The following PCBP3 variants were observed in gnomAD, a reference collection of about 807,000 sequenced individuals.
PCBP3 encodes poly(rC)-binding protein 3.
PCBP3 carries 25 observed loss-of-function variants against 52.7 expected under a neutral mutation model. The observed-to-expected ratio is 0.47, with a 90% confidence interval of 0.35 to 0.66. The LOEUF is 0.66. PCBP3 is among the 30% of genes least tolerant of loss of function. PCBP3 has a pLI of 0.01. For missense variants in PCBP3, 391 were observed against 490.3 expected (o/e 0.80, Z 1.91); for synonymous variants, 162 against 183.0 (o/e 0.89, Z 0.93).
At chr21:45,763,513 C>G (rs1166903234) in intron 4 of PCBP3, 1 of 152,254 alleles carries the variant, frequency 6.6e-6, no homozygotes, top group Non-Finnish European at 1.5e-5. Flanking sequence ...GAGGAGCATC[C>G]TCAGGAGAAA....
At chr21:45,865,444 C>T (rs1364227782) in intron 5 of PCBP3, among the ~76,000 whole-genome samples, 1 of 152,236 alleles carries the variant, frequency 6.6e-6, no homozygotes, top group Non-Finnish European at 1.5e-5. Context: ...GAAGATATCG[C>T]TGTTCCTGCA....
intron 17 of PCBP3, among the ~76,000 whole-genome samples, chr21:45,941,130 G>A (rs2077424229): frequency 8.8e-6 from 1 of 113,448 alleles, no homozygotes; most frequent in African/African-American, 3.5e-5. Context: ...TCCAGAGCCA[G>A]GTTGGGCCTC....
chr21:45,846,655 A>C (rs777442238), intron 4 of PCBP3, among the ~76,000 whole-genome samples: 4 of 152,184 alleles, frequency 2.6e-5, no homozygotes, highest in Admixed American at 2.0e-4. Flanking sequence ...TAGTTTCTGC[A>C]TTATAAAGCC....
intron 2 of PCBP3, among the ~76,000 whole-genome samples, chr21:45,676,358 C>T (rs1386382278): frequency 7.2e-6 from 1 of 139,670 alleles, no homozygotes; most frequent in South Asian, 2.3e-4. Flanking sequence ...TTTTATTGCA[C>T]TTTACAGAAT....
At chr21:45,747,855 T>A (rs918601282) in intron 3 of PCBP3, among the ~76,000 whole-genome samples, 4 of 152,216 alleles carry the variant, frequency 2.6e-5, no homozygotes, top group African/African-American at 4.8e-5. Flanking sequence ...TCTCCTTGGC[T>A]AGGTAGCGTT....
At chr21:45,701,845 CCACCT>C (rs2083149249) in intron 2 of PCBP3, among the ~76,000 whole-genome samples, 1 of 152,302 alleles carries the variant, frequency 6.6e-6, no homozygotes, top group South Asian at 2.1e-4. Context: ...CAGGCATGAG[CCACCT>C]CACCCAGCCC....
intron 4 of PCBP3, among the ~76,000 whole-genome samples, chr21:45,848,641 G>A (rs1474498746): frequency 6.6e-6 from 1 of 152,130 alleles, no homozygotes; most frequent in Non-Finnish European, 1.5e-5. Flanking sequence ...TCTGTCCTGG[G>A]TTAAATTAAT....
At chr21:45,838,242 G>A (rs1394375153) in intron 4 of PCBP3, among the ~76,000 whole-genome samples, 6 of 152,190 alleles carry the variant, frequency 3.9e-5, no homozygotes, top group African/African-American at 7.2e-5. Context: ...TACTCAAACT[G>A]TTCTGTAGTT....
intron 13 of PCBP3, among the ~76,000 whole-genome samples, chr21:45,927,354 C>T (rs1422032685): frequency 9.5e-6 from 1 of 105,096 alleles, no homozygotes; most frequent in Non-Finnish European, 1.9e-5. Context: ...TCCCTCCCTC[C>T]CTCTCGCCTG....
At chr21:45,826,956 C>A (rs1056806106) in intron 4 of PCBP3, among the ~76,000 whole-genome samples, 6 of 152,122 alleles carry the variant, frequency 3.9e-5, no homozygotes, top group Admixed American at 3.3e-4. Context: ...TGTACCCACC[C>A]GTGTCAAGGT....
At position 45,880,082 on chromosome 21, in the gene PCBP3, G is replaced by C. The variant is rs1038809449; in HGVS notation, c.11-16126G>C. Among the ~76,000 whole-genome samples, 1 of 152,192 alleles carries C rather than the reference G, an allele frequency of 6.6e-6. No homozygotes were observed. Among genetic ancestry groups the C allele is most frequent in the Non-Finnish European group, 1.5e-5 (1 of 68,042 alleles). ...CTGCTGTCTGCGTTTGTTGTGTGGC[G>C]TGAGAGTCCATCCTGGTTTCGTGGC... On this transcript the variant is annotated intron_variant, in intron 5 of 17. Transcript: ENST00000681687. The surrounding 1 kb of genome is among the most constrained non-coding windows in gnomAD (Gnocchi z 5.4).
intron 5 of PCBP3, among the ~76,000 whole-genome samples, chr21:45,865,131 T>G (rs2094663327): frequency 6.6e-6 from 1 of 152,224 alleles, no homozygotes; most frequent in African/African-American, 2.4e-5. Flanking sequence ...TATAAATGCT[T>G]CTTTTACGCT....
At chr21:45,898,543 TGTCCTCCCAGCCTCCCTCTACAC>T (rs2095905591) in intron 6 of PCBP3, among the ~76,000 whole-genome samples, 33 of 58,696 alleles carry the variant, frequency 5.6e-4, no homozygotes, top group East Asian at 3.6e-3. Flanking sequence ...CTCTACACAC[TGTCCTCCCAGCCTCCCTCTACAC>T]GCCATCCTCA....
rs145062644 is a variant in PCBP3, at chr21:45,795,353, TTCTC to T, written c.-126+39912_-126+39915del. Among the ~76,000 whole-genome samples, 61 of 151,112 alleles carry T rather than the reference TTCTC, an allele frequency of 4.0e-4. 1 individual carries two copies. The South Asian group carries it at 9.2e-3, about 23-fold the overall frequency. On this transcript the variant is annotated intron_variant, in intron 4 of 17. Transcript: ENST00000681687. ...TCCCCTTTCCTTTCTTTTCTTTACC[TTCTC>T]TCTCTCTCTCCAGGACCATTCACAA...
intron 13 of PCBP3, among the ~76,000 whole-genome samples, chr21:45,921,680 G>T (rs566133573): frequency 6.6e-6 from 1 of 152,170 alleles, no homozygotes; most frequent in Non-Finnish European, 1.5e-5. Flanking sequence ...TTAGCCAGAC[G>T]TGGTGGCACA....
chr21:45,899,424 TAC>T lies in PCBP3; in HGVS notation c.166-168_166-167del, dbSNP rs200756411. ...GCCTCTGTATGGGCAGCCTGGCTTG[TAC>T]ACACACCCCTCCCCACCAGCAGATT... On this transcript the variant is annotated intron_variant, in intron 6 of 17. Coordinates refer to ENST00000681687, the MANE Select transcript of PCBP3 (RefSeq NM_001384156.1). Among the ~76,000 whole-genome samples the T allele has an allele frequency of 4.7e-3, 721 of 152,172 alleles. 6 individuals carry two copies. The highest frequency in any genetic ancestry group is 0.016 in the African/African-American group (662 of 41,486).
chr21:45,810,845 A>G (rs2092668235), intron 4 of PCBP3, among the ~76,000 whole-genome samples: 1 of 152,180 alleles, frequency 6.6e-6, no homozygotes, highest in South Asian at 2.1e-4. Context: ...TAGTTTCTAT[A>G]GAGATATTCA....
intron 9 of PCBP3, among the ~76,000 whole-genome samples, chr21:45,907,440 G>A (rs547151235): frequency 1.3e-5 from 2 of 152,280 alleles, no homozygotes; most frequent in South Asian, 2.1e-4. Flanking sequence ...CGAGGTTGTC[G>A]GAAGGGACTT....
intron 15 of PCBP3, among the ~76,000 whole-genome samples, chr21:45,932,143 T>G (rs1433160189): frequency 7.2e-5 from 9 of 125,202 alleles, no homozygotes; most frequent in African/African-American, 1.6e-4. Flanking sequence ...GAACACCTAG[T>G]CCATGCCATC....
Sources: allele counts gnomAD v4.1 joint callset (sites outside exome capture counted in the v4.1 genomes callset), GRCh38; gene constraint gnomAD v4.1.1; non-coding constraint Gnocchi (gnomAD v3.1); transcripts MANE v1.5; gene names NCBI Gene and HGNC (gene_info 2026-07-23, HGNC 2026-07-21).